ZNF608: variants seen among roughly 807,000 people sequenced by gnomAD.
ZNF608 encodes the protein renal carcinoma antigen NY-REN-36.
ZNF608 carries 12 observed loss-of-function variants against 109.0 expected under a neutral mutation model. That is an observed-to-expected ratio of 0.11 (90% CI 0.07 to 0.18). The LOEUF is 0.18. Ranked by LOEUF, ZNF608 falls within the 10% of genes least tolerant of loss-of-function variation. The pLI, the probability that ZNF608 is intolerant of heterozygous loss-of-function variation, is 1.00. For missense variants in ZNF608, 1,707 were observed against 1,879.3 expected, an observed-to-expected ratio of 0.91 and a Z score of 1.70; for synonymous variants, 732 against 717.4, an observed-to-expected ratio of 1.02 and a Z score of -0.33.
chr5:124,668,820 T>C (rs1192742875), intron 3 of ZNF608, among the ~76,000 whole-genome samples: 1 of 152,298 alleles, frequency 6.6e-6, no homozygotes, highest in East Asian at 1.9e-4. Flanking sequence ...AAGACAAGAC[T>C]TCCTTGAGGT....
chr5:124,662,481 G>A (rs1469048068), intron 3 of ZNF608, among the ~76,000 whole-genome samples: 3 of 152,194 alleles, frequency 2.0e-5, no homozygotes, highest in Non-Finnish European at 4.4e-5. Context: ...CACACTCTCT[G>A]ACAGCTTTTA....
chr5:124,675,232 T>C (rs1205215033), intron 3 of ZNF608, among the ~76,000 whole-genome samples: 1 of 152,154 alleles, frequency 6.6e-6, no homozygotes, highest in Non-Finnish European at 1.5e-5. Context: ...AGAAGAAAAC[T>C]AAAAATGTTA....
chr5:124,703,806 C>T (rs1753151416), intron 2 of ZNF608, among the ~76,000 whole-genome samples: 1 of 152,128 alleles, frequency 6.6e-6, no homozygotes. Context: ...ATGCACTTTT[C>T]AGCCGCCTAA....
intron 3 of ZNF608, among the ~76,000 whole-genome samples, chr5:124,650,630 G>A (rs1195011565): frequency 3.3e-5 from 5 of 152,146 alleles, no homozygotes; most frequent in African/African-American, 1.2e-4. Context: ...ATTTCTGAGA[G>A]GACAAATGCC....
At chr5:124,690,439 T>C (rs189966606) in intron 3 of ZNF608, among the ~76,000 whole-genome samples, 5 of 152,342 alleles carry the variant, frequency 3.3e-5, no homozygotes, top group Admixed American at 2.0e-4. Context: ...GTGGGGAATG[T>C]TGATAATGGA....
In ZNF608 at chr5:124,666,709, CTGTGTGTGTGTGTGTGTG is replaced by C. The variant is rs10546271; in HGVS notation, c.1163-17030_1163-17013del. Among the ~76,000 whole-genome samples, 876 of 141,054 alleles carry C rather than the reference CTGTGTGTGTGTGTGTGTG, an allele frequency of 6.2e-3. 3 individuals are homozygous for C. Among genetic ancestry groups the C allele is most frequent in the African/African-American group, 0.02 (769 of 38,092 alleles). The allele number at this position is 141,054 out of a possible 152,430, so 92.5% of individuals were successfully genotyped here. On this transcript the variant is annotated intron_variant, in intron 3 of 9. Coordinates refer to ENST00000513986, the MANE Select transcript of ZNF608 (RefSeq NM_020747.3). ...TATCAAAATACAAACTGGGTTTGCT[CTGTGTGTGTGTGTGTGTG>C]TGTGTGTGTGTGTGTGTGTGTGTGT...
upstream of ZNF608, among the ~76,000 whole-genome samples, chr5:124,747,710 G>A (rs1002205693): frequency 6.6e-6 from 1 of 151,888 alleles, no homozygotes; most frequent in Admixed American, 6.6e-5. Context: ...GATCTCCGAA[G>A]TTCGGAAGGA....
chr5:124,717,859 T>C (rs1753764690), intron 2 of ZNF608, among the ~76,000 whole-genome samples: 1 of 152,146 alleles, frequency 6.6e-6, no homozygotes, highest in African/African-American at 2.4e-5. Context: ...TCTGGGTGTG[T>C]CTGTGGCCAG....
At chr5:124,748,476 C>G (rs763459308), upstream of ZNF608, 72 of 934,730 alleles carry the variant, frequency 7.7e-5, no homozygotes, top group South Asian at 2.5e-4. Context: ...CGCACATTCC[C>G]CTGCATGAAG....
intron 5 of ZNF608, among the ~76,000 whole-genome samples, chr5:124,645,764 ACCTCCTCAC>A (rs1262971916): frequency 6.6e-6 from 1 of 151,926 alleles, no homozygotes; most frequent in Non-Finnish European, 1.5e-5. Flanking sequence ...TGCCACCCAA[ACCTCCTCAC>A]CCTCCTCACA....
At chr5:124,665,072 G>C (rs1308686164) in intron 3 of ZNF608, among the ~76,000 whole-genome samples, 1 of 152,064 alleles carries the variant, frequency 6.6e-6, no homozygotes, top group Non-Finnish European at 1.5e-5. Flanking sequence ...CTACTCAGGA[G>C]GCTGAGGTAG....
intron 3 of ZNF608, among the ~76,000 whole-genome samples, chr5:124,670,375 A>AT (rs1394742837): frequency 6.7e-6 from 1 of 149,952 alleles, no homozygotes; most frequent in Non-Finnish European, 1.5e-5. Context: ...AAGACTGCCC[A>AT]TTTTCACATC....
At position 124,649,578 on chromosome 5, in the gene ZNF608, G is replaced by A; in HGVS notation, c.1250+32C>T. On this transcript the variant is annotated intron_variant, in intron 4 of 9. Coordinates refer to ENST00000513986, the MANE Select transcript of ZNF608 (RefSeq NM_020747.3). Reference sequence around the variant, plus strand: ...CAGTTTCCCTGCAAAGAGAGGATGGGGAAGGAGAGAAATAAAAGGCCCTGT... The same window carrying A: ...CAGTTTCCCTGCAAAGAGAGGATGGAGAAGGAGAGAAATAAAAGGCCCTGT... The A allele has an allele frequency of 1.9e-6, 3 of 1,539,668 alleles. No individual in the cohort carries two copies. The East Asian group carries it at 6.8e-5, about 35-fold the overall frequency.
chr5:124,696,539 G>A (rs1000394391), intron 3 of ZNF608, among the ~76,000 whole-genome samples: 1 of 152,142 alleles, frequency 6.6e-6, no homozygotes, highest in African/African-American at 2.4e-5. Flanking sequence ...TATTGCATTG[G>A]ACTCACTTGA....
chr5:124,707,863 G>C (rs1753323833), intron 2 of ZNF608: 1 of 152,216 alleles, frequency 6.6e-6, no homozygotes, highest in Non-Finnish European at 1.5e-5. Context: ...GGACAAACCT[G>C]TAACAACTGA....
At chr5:124,723,138 C>A (rs536898699) in intron 2 of ZNF608, among the ~76,000 whole-genome samples, 16 of 151,530 alleles carry the variant, frequency 1.1e-4, no homozygotes, top group Admixed American at 5.3e-4. Context: ...TCAAGCAATT[C>A]TCGGTTCTCA....
intron 3 of ZNF608, among the ~76,000 whole-genome samples, chr5:124,670,939 A>C (rs1162158110): frequency 6.6e-6 from 1 of 152,192 alleles, no homozygotes; most frequent in Non-Finnish European, 1.5e-5. Flanking sequence ...TCCTTTGGAA[A>C]TTTGGTAACC....
chr5:124,659,557 G>GC (rs1269377348), intron 3 of ZNF608, among the ~76,000 whole-genome samples: 1 of 152,152 alleles, frequency 6.6e-6, no homozygotes, highest in Non-Finnish European at 1.5e-5. Flanking sequence ...CATGCCTTGT[G>GC]GGGAGGGATA....
rs1753035545 is a variant in ZNF608 at position 124,701,158 on chromosome 5, C to T, written c.1018G>A (p.Val340Ile). ...SPSSSNIAAP[V>I]EQLLVRTRSV... ...CGAGTCCGAACCAAAAGCTGTTCAA[C>T]CGGTGCTGCAATATTGGATGAAGAT... The change falls in exon 3 of 10, where the codon GTT becomes ATT. Residue 340 changes from valine to isoleucine, a missense_variant. Val to Ile is a conservative substitution (Grantham distance 29). Coordinates refer to ENST00000513986, the MANE Select transcript of ZNF608 (RefSeq NM_020747.3). 1.2e-6 allele frequency: 2 copies of T among 1,613,954 alleles called. No homozygotes were observed. The highest frequency in any genetic ancestry group is 1.7e-5 in the Admixed American group (1 of 59,994).
Sources: gnomAD v4.1 joint callset for allele counts (sites outside exome capture counted in the v4.1 genomes callset) on GRCh38, gnomAD v4.1.1 for gene constraint, MANE v1.5 for transcripts, NCBI Gene and HGNC (gene_info 2026-07-23, HGNC 2026-07-21) for gene names.